ANK3: variants seen among roughly 807,000 people sequenced by gnomAD.
ANK3 encodes the protein ankyrin-3.
Under a neutral mutation model 370.9 loss-of-function variants are expected in ANK3, and 57 were observed. The observed-to-expected ratio is 0.15, with a 90% CI of 0.12 to 0.19. ANK3 has a LOEUF of 0.19. Ranked by LOEUF, ANK3 falls within the 10% of genes least tolerant of loss-of-function variation. The pLI is 1.00. For missense variants in ANK3, 4,439 were observed against 5,302.1 expected (o/e 0.84, Z 5.06); for synonymous variants, 1,929 against 1,946.3 (o/e 0.99, Z 0.23).
At chr10:60,124,183 A>T (rs1368892311) in intron 25 of ANK3, among the ~76,000 whole-genome samples, 1 of 152,170 alleles carries the variant, frequency 6.6e-6, no homozygotes, top group African/African-American at 2.4e-5. Context: ...TTTGAGACAG[A>T]GTCTCACTCT....
At chr10:60,733,328 G>T in exon 1 of ANK3, 1 of 1,231,434 alleles carries the variant, frequency 8.1e-7, no homozygotes, top group Non-Finnish European at 1.0e-6. Context: ...ATGTTGTGGG[G>T]CTGCTGCTGC....
At chr10:60,247,063 T>G (rs2097566798) in intron 7 of ANK3, among the ~76,000 whole-genome samples, 1 of 152,228 alleles carries the variant, frequency 6.6e-6, no homozygotes, top group Admixed American at 6.5e-5. Flanking sequence ...TTGCCCAAGC[T>G]GGAGTGCAGT....
chr10:60,550,136 T>C (rs943850878), intron 2 of ANK3, among the ~76,000 whole-genome samples: 4 of 152,014 alleles, frequency 2.6e-5, no homozygotes, highest in African/African-American at 7.2e-5. Context: ...AAATCATATA[T>C]AAATCACACC....
chr10:60,419,848 G>A (rs561985308), intron 2 of ANK3, among the ~76,000 whole-genome samples: 1 of 152,218 alleles, frequency 6.6e-6, no homozygotes, highest in Admixed American at 6.5e-5. Flanking sequence ...TTCATCTGTG[G>A]TAGTCATTTT....
At chr10:60,406,394 A>G (rs1206646749) in intron 2 of ANK3, among the ~76,000 whole-genome samples, 2 of 152,104 alleles carry the variant, frequency 1.3e-5, no homozygotes, top group Admixed American at 6.5e-5. Flanking sequence ...ACGGATGGGG[A>G]AGTGGGTGGT....
chr10:60,323,971 C>G (rs575780000), intron 1 of ANK3, among the ~76,000 whole-genome samples: 1 of 151,998 alleles, frequency 6.6e-6, no homozygotes, highest in Non-Finnish European at 1.5e-5. Flanking sequence ...GGGATAATGT[C>G]GTTTAGAGAG....
chr10:60,057,314 G>C (rs1487962621), intron 41 of ANK3, among the ~76,000 whole-genome samples: 1 of 152,096 alleles, frequency 6.6e-6, no homozygotes, highest in African/African-American at 2.4e-5. Flanking sequence ...TTTCAGTATA[G>C]ACTATTTTTC....
At chr10:60,100,546 G>A (rs145146510) in intron 28 of ANK3, among the ~76,000 whole-genome samples, 1 of 152,050 alleles carries the variant, frequency 6.6e-6, no homozygotes, top group Non-Finnish European at 1.5e-5. Context: ...CTGTTACATA[G>A]CAAGTACCAA....
At chr10:60,713,855 G>T (rs2079744523) in intron 1 of ANK3, among the ~76,000 whole-genome samples, 1 of 151,508 alleles carries the variant, frequency 6.6e-6, no homozygotes, top group Non-Finnish European at 1.5e-5. Flanking sequence ...AACAGAGTGA[G>T]ACTCCGTCTC....
intron 2 of ANK3, among the ~76,000 whole-genome samples, chr10:60,498,521 T>C (rs1055581078): frequency 6.6e-6 from 1 of 152,160 alleles, no homozygotes; most frequent in Non-Finnish European, 1.5e-5. Flanking sequence ...CCTGAGTAGC[T>C]GGCACCACAA....
intron 2 of ANK3, chr10:60,572,403 G>A (rs1414920264): frequency 3.6e-5 from 53 of 1,476,998 alleles, no homozygotes; most frequent in Non-Finnish European, 4.6e-5. Flanking sequence ...TCAGCCTAAA[G>A]ATCACTTCCT....
At chr10:60,367,327 C>A (rs760537640) in intron 1 of ANK3, among the ~76,000 whole-genome samples, 1 of 152,114 alleles carries the variant, frequency 6.6e-6, no homozygotes, top group African/African-American at 2.4e-5. Context: ...GAATATTCTC[C>A]AAGTGGGGGA....
At chr10:60,088,951 G>A (rs954308716) in intron 28 of ANK3, among the ~76,000 whole-genome samples, 2 of 152,012 alleles carry the variant, frequency 1.3e-5, no homozygotes, top group Non-Finnish European at 2.9e-5. Flanking sequence ...GAACAAGAAT[G>A]GGAATTTACA....
intron 26 of ANK3, among the ~76,000 whole-genome samples, chr10:60,113,963 G>C (rs2092904935): frequency 6.6e-6 from 1 of 151,936 alleles, no homozygotes; most frequent in African/African-American, 2.4e-5. Flanking sequence ...TAGAAGATTA[G>C]AACAGCCAGG....
intron 2 of ANK3, among the ~76,000 whole-genome samples, chr10:60,528,802 A>T (rs1441555308): frequency 1.3e-5 from 2 of 152,036 alleles, no homozygotes; most frequent in Admixed American, 1.3e-4. Flanking sequence ...GTCTCCAGGC[A>T]TTGTCAGTTG....
chr10:60,195,379 G>A (rs565232176), intron 16 of ANK3, among the ~76,000 whole-genome samples: 25 of 136,668 alleles, frequency 1.8e-4, no homozygotes, highest in East Asian at 6.3e-4. Context: ...GCTAGTCTCC[G>A]TCTCCCTCCA....
chr10:60,583,526 T>G (rs538326702), intron 2 of ANK3, among the ~76,000 whole-genome samples: 6 of 90,550 alleles, frequency 6.6e-5, no homozygotes, highest in East Asian at 9.9e-4. Context: ...TTGTTTTTTG[T>G]TTTTTTTTGA....
chr10:60,084,416 A>AG, intron 32 of ANK3, 186 bp downstream of exon 32: 1 of 307,292 alleles, frequency 3.3e-6, no homozygotes, highest in Non-Finnish European at 5.7e-6. Context: ...AAAAAAAAAA[A>AG]AATTAAATTA....
chr10:60,543,753 T>C (rs1030425366), intron 2 of ANK3, among the ~76,000 whole-genome samples: 1 of 152,100 alleles, frequency 6.6e-6, no homozygotes, highest in African/African-American at 2.4e-5. Context: ...TCCTGAGATA[T>C]AAATTCCATT....
Sources: allele counts gnomAD v4.1 joint callset (sites outside exome capture counted in the v4.1 genomes callset), GRCh38; gene constraint gnomAD v4.1.1; transcripts MANE v1.5; gene names NCBI Gene and HGNC (gene_info 2026-07-23, HGNC 2026-07-21).